CCDC175: variants seen among roughly 807,000 people sequenced by gnomAD.
CCDC175 encodes the protein coiled-coil domain containing 175, also known as coiled-coil domain-containing protein 175.
In CCDC175, 100 loss-of-function variants were observed where a neutral mutation model predicts 114.6. The observed-to-expected ratio is 0.87, with a 90% CI of 0.74 to 1.03. The LOEUF is 1.03. Among genes scored for constraint, CCDC175 ranks in the 50% least tolerant of loss-of-function variants. The probability of loss-of-function intolerance (pLI) is 0.00; values close to 1 mark genes in which losing one functional copy is unlikely to be tolerated. For synonymous variants in CCDC175, 306 were observed against 308.7 expected, an observed-to-expected ratio of 0.99 and a Z score of 0.09; for missense variants, 880 against 917.8, an observed-to-expected ratio of 0.96 and a Z score of 0.53.
chr14:59,569,773 A>G (rs1896747027), intron 3 of CCDC175, among the ~76,000 whole-genome samples: 1 of 152,222 alleles, frequency 6.6e-6, no homozygotes, highest in Non-Finnish European at 1.5e-5. Flanking sequence ...GAAATCTCAC[A>G]GTAAATTGAA....
intron 19 of CCDC175, among the ~76,000 whole-genome samples, chr14:59,509,025 C>T (rs1892604096): frequency 1.3e-5 from 2 of 152,168 alleles, no homozygotes; most frequent in Non-Finnish European, 2.9e-5. Context: ...TATTTACACA[C>T]TGCCAGTCTC....
chr14:59,511,166 T>C (rs1044401005), intron 18 of CCDC175, among the ~76,000 whole-genome samples: 2 of 152,174 alleles, frequency 1.3e-5, no homozygotes, highest in African/African-American at 4.8e-5. Flanking sequence ...GGGTTGTAAA[T>C]TCCCATACGT....
intron 4 of CCDC175, among the ~76,000 whole-genome samples, chr14:59,565,976 C>G (rs7149695): frequency 0.055 from 8,346 of 152,220 alleles, 287 homozygotes; most frequent in Middle Eastern, 0.11. Context: ...GGCTGTTAAG[C>G]TAAAGAAAGA....
In CCDC175 at chr14:59,565,288, A is replaced by T; in HGVS notation, c.492-13T>A. On this transcript the variant is annotated splice_polypyrimidine_tract_variant and intron_variant, in intron 4 of 19. Transcript: ENST00000537690. ...TTCCTGCTTCTCCCTGGGAGGAAAGAATTGCTCACAGAGTGAGAAGCACAG... is the reference window on the plus strand; with the variant it reads ...TTCCTGCTTCTCCCTGGGAGGAAAGTATTGCTCACAGAGTGAGAAGCACAG... 4 of 1,530,086 alleles carry T rather than the reference A, an allele frequency of 2.6e-6. No individual in the cohort carries two copies. Among genetic ancestry groups the T allele is most frequent in the Non-Finnish European group, 3.5e-6 (4 of 1,142,458 alleles). 94.8% of individuals were successfully genotyped at this position (1,530,086 alleles called of 1,614,324 possible).
chr14:59,575,617 C>T (rs546962502), intron 1 of CCDC175, among the ~76,000 whole-genome samples: 1 of 150,044 alleles, frequency 6.7e-6, no homozygotes, highest in South Asian at 2.1e-4. Flanking sequence ...TCAACGGATT[C>T]TCCTGCCTCA....
intron 14 of CCDC175, among the ~76,000 whole-genome samples, chr14:59,527,393 C>A (rs1647573524): frequency 6.6e-6 from 1 of 152,058 alleles, no homozygotes; most frequent in Non-Finnish European, 1.5e-5. Flanking sequence ...GCTCAATTTT[C>A]TTTAAAAATA....
chr14:59,513,347 G>A (rs900730628), intron 17 of CCDC175, among the ~76,000 whole-genome samples: 18 of 152,118 alleles, frequency 1.2e-4, no homozygotes, highest in South Asian at 6.2e-4. Context: ...TGCACCGAGT[G>A]TGAGCCAAAG....
chr14:59,517,107 C>A (rs1388958925), intron 17 of CCDC175, among the ~76,000 whole-genome samples: 1 of 152,126 alleles, frequency 6.6e-6, no homozygotes, highest in African/African-American at 2.4e-5. Flanking sequence ...AGGCCTTTGA[C>A]AAAATTCAAC....
chr14:59,553,877 C>T (rs989542868), intron 7 of CCDC175, among the ~76,000 whole-genome samples: 1 of 152,188 alleles, frequency 6.6e-6, no homozygotes, highest in Non-Finnish European at 1.5e-5. Context: ...AAGGCCATTA[C>T]ATAATGGTAA....
At chr14:59,510,921 CA>C (rs1892702132) in intron 18 of CCDC175, 113 bp from the exon 19 acceptor site, 2 of 932,382 alleles carry the variant, frequency 2.1e-6, no homozygotes, top group African/African-American at 1.7e-5. Context: ...TAATTGGTAT[CA>C]GTCATAAAAA....
intron 14 of CCDC175, among the ~76,000 whole-genome samples, chr14:59,531,306 G>T (rs945271788): frequency 2.6e-5 from 4 of 151,830 alleles, no homozygotes; most frequent in African/African-American, 9.7e-5. Flanking sequence ...CTAACTCTCA[G>T]ATCTGAGACA....
intron 7 of CCDC175, among the ~76,000 whole-genome samples, chr14:59,554,665 A>G (rs1895759287): frequency 6.6e-6 from 1 of 152,316 alleles, no homozygotes; most frequent in Admixed American, 6.5e-5. Context: ...CAAAAAATCA[A>G]TGAATCCAGG....
chr14:59,541,261 T>C (rs1428922151), intron 10 of CCDC175, among the ~76,000 whole-genome samples: 1 of 152,172 alleles, frequency 6.6e-6, no homozygotes, highest in Non-Finnish European at 1.5e-5. Flanking sequence ...TTTGATATAA[T>C]ATACAATTCA....
At chr14:59,563,675 C>G (rs1159816910) in intron 6 of CCDC175, 62 bp downstream of exon 6, 1 of 1,050,228 alleles carries the variant, frequency 9.5e-7, no homozygotes, top group Non-Finnish European at 1.2e-6. Flanking sequence ...TTACAATCAA[C>G]TCCTTTTTTA....
intron 19 of CCDC175, among the ~76,000 whole-genome samples, chr14:59,506,598 G>T (rs530087018): frequency 7.9e-5 from 12 of 152,200 alleles, no homozygotes; most frequent in South Asian, 6.2e-4. Flanking sequence ...GAGCACAGGG[G>T]TTTTTTAAAA....
intron 2 of CCDC175, among the ~76,000 whole-genome samples, chr14:59,574,003 T>C (rs1896973298): frequency 2.0e-5 from 3 of 152,132 alleles, no homozygotes; most frequent in Admixed American, 2.0e-4. Flanking sequence ...TTTGGCCTCT[T>C]AAAATCCTAG....
intron 4 of CCDC175, among the ~76,000 whole-genome samples, chr14:59,566,349 A>C (rs938434431): frequency 1.3e-5 from 2 of 152,250 alleles, no homozygotes; most frequent in African/African-American, 4.8e-5. Flanking sequence ...CCTGCAATGT[A>C]AAGACCCTTT....
chr14:59,542,931 G>A (rs1480737264), intron 10 of CCDC175, among the ~76,000 whole-genome samples: 1 of 152,138 alleles, frequency 6.6e-6, no homozygotes, highest in Non-Finnish European at 1.5e-5. Flanking sequence ...TGGAGAGATG[G>A]AGATTTTAGG....
chr14:59,520,920 A>G (rs1217739153), intron 17 of CCDC175, among the ~76,000 whole-genome samples: 3 of 152,234 alleles, frequency 2.0e-5, no homozygotes, highest in Non-Finnish European at 4.4e-5. Context: ...TAGTGGTTAC[A>G]ATAGCATGTA....
Sources: gnomAD v4.1 joint callset for allele counts (sites outside exome capture counted in the v4.1 genomes callset) on GRCh38, gnomAD v4.1.1 for gene constraint, MANE v1.5 for transcripts, NCBI Gene and HGNC (gene_info 2026-07-23, HGNC 2026-07-21) for gene names.